The following SPATA6 variants were observed in gnomAD, a reference collection of about 807,000 sequenced individuals.
SPATA6 encodes the protein spermatogenesis-associated protein 6.
SPATA6 carries 56 observed loss-of-function variants against 65.3 expected under a neutral mutation model. The ratio of observed to expected loss-of-function variants is 0.86; its 90% CI spans 0.69 to 1.07. The LOEUF (loss-of-function observed/expected upper bound fraction) is 1.07. Among genes scored for constraint, SPATA6 ranks in the 50% least tolerant of loss-of-function variants. SPATA6 has a pLI of 0.00. For synonymous variants in SPATA6, 199 were observed against 213.2 expected (o/e 0.93, Z 0.58); for missense variants, 590 against 594.8 (o/e 0.99, Z 0.08).
chr1:48,376,525 AT>A (rs1647929301), intron 9 of SPATA6, among the ~76,000 whole-genome samples: 1 of 151,072 alleles, frequency 6.6e-6, no homozygotes, highest in African/African-American at 2.5e-5. Flanking sequence ...AGCTCCTGGA[AT>A]TTAAAAAAAA....
chr1:48,369,905 A>G (rs6587873), intron 9 of SPATA6, among the ~76,000 whole-genome samples: 21,852 of 152,186 alleles, frequency 0.14, 1,777 homozygotes, highest in African/African-American at 0.21. Context: ...AGCTCCTCCT[A>G]TTCGGCCATC....
In SPATA6 at chr1:48,387,963, G is replaced by C. The variant is rs898436753; in HGVS notation, c.869-2614C>G. ...TGGCTACCCAGAGGCTTGAGAACCT[G>C]TCCATCTGCCTGGCCCATGATGGCT... On this transcript the variant is annotated intron_variant, in intron 8 of 12. Coordinates refer to ENST00000371847, the MANE Select transcript of SPATA6 (RefSeq NM_019073.4). Among the ~76,000 whole-genome samples, 6 of 152,288 alleles carry C rather than the reference G, an allele frequency of 3.9e-5. No homozygotes were observed. In the South Asian group the frequency reaches 1.0e-3, roughly 26 times the overall value.
At chr1:48,387,683 C>T (rs1649619806) in intron 8 of SPATA6, among the ~76,000 whole-genome samples, 1 of 152,166 alleles carries the variant, frequency 6.6e-6, no homozygotes, top group Non-Finnish European at 1.5e-5. Context: ...CCATGCCAGA[C>T]CATATAGTTT....
intron 3 of SPATA6, among the ~76,000 whole-genome samples, chr1:48,427,598 T>G (rs1653962357): frequency 6.6e-6 from 1 of 152,192 alleles, no homozygotes; most frequent in Admixed American, 6.5e-5. Flanking sequence ...TGACATAATT[T>G]TGATATAAGT....
Position 48,304,499 on chromosome 1 carries a change from A to C in SPATA6, c.1286+1288T>G, listed in dbSNP as rs185236250. On this transcript the variant is annotated intron_variant, in intron 12 of 12. Coordinates refer to ENST00000371847, the MANE Select transcript of SPATA6 (RefSeq NM_019073.4). The stretch of plus-strand genomic sequence containing the variant: ...ACATTAGAATTACCCATGATATCCC[A>C]TTTTTTATTTTATTGTATTTATTTT... Among the ~76,000 whole-genome samples the C allele has an allele frequency of 2.9e-3, 447 of 152,178 alleles. 2 individuals carry two copies. Among genetic ancestry groups the C allele is most frequent in the Non-Finnish European group, 4.8e-3 (325 of 67,992 alleles).
At chr1:48,375,859 A>AT (rs1276904284) in intron 9 of SPATA6, among the ~76,000 whole-genome samples, 4 of 152,148 alleles carry the variant, frequency 2.6e-5, no homozygotes, top group Admixed American at 2.0e-4. Context: ...ACTTTGGATA[A>AT]TTTTTTATAT....
chr1:48,374,929 T>A (rs1647710436), intron 9 of SPATA6, among the ~76,000 whole-genome samples: 1 of 152,178 alleles, frequency 6.6e-6, no homozygotes, highest in African/African-American at 2.4e-5. Flanking sequence ...AAGGTAGTGC[T>A]CTCCCATACT....
chr1:48,328,402 T>C (rs1201180580), intron 11 of SPATA6, among the ~76,000 whole-genome samples: 3 of 152,166 alleles, frequency 2.0e-5, no homozygotes, highest in Non-Finnish European at 4.4e-5. Flanking sequence ...TGTCATTATC[T>C]ATACAATGTA....
chr1:48,413,383 G>A (rs557708471), intron 3 of SPATA6, among the ~76,000 whole-genome samples: 29 of 150,262 alleles, frequency 1.9e-4, no homozygotes, highest in Non-Finnish European at 3.8e-4. Flanking sequence ...TCCGCCTCCC[G>A]GATTCGAGCA....
chr1:48,327,835 A>C (rs1645807377), intron 11 of SPATA6, among the ~76,000 whole-genome samples: 1 of 152,264 alleles, frequency 6.6e-6, no homozygotes, highest in South Asian at 2.1e-4. Flanking sequence ...GAAGAGGGCA[A>C]ATATGGGTTG....
intron 11 of SPATA6, among the ~76,000 whole-genome samples, chr1:48,348,833 C>T (rs1048500962): frequency 6.6e-6 from 1 of 152,056 alleles, no homozygotes; most frequent in Non-Finnish European, 1.5e-5. Context: ...TCTAACCCAA[C>T]ATCACAGAGT....
intron 11 of SPATA6, among the ~76,000 whole-genome samples, chr1:48,323,581 TA>T (rs1374215465): frequency 6.4e-5 from 6 of 93,062 alleles, no homozygotes; most frequent in Non-Finnish European, 1.4e-4. Flanking sequence ...AAAGAAAGGA[TA>T]AACAAAATCA....
intron 6 of SPATA6, among the ~76,000 whole-genome samples, chr1:48,401,727 A>C (rs921412668): frequency 7.9e-5 from 12 of 152,106 alleles, no homozygotes; most frequent in African/African-American, 2.9e-4. Context: ...TCAACATGTG[A>C]GTAAAGCCAT....
intron 9 of SPATA6, among the ~76,000 whole-genome samples, chr1:48,363,239 C>T (rs898123509): frequency 1.3e-5 from 2 of 152,104 alleles, no homozygotes; most frequent in African/African-American, 2.4e-5. Flanking sequence ...AGCCTTCAGC[C>T]TTAGCTTAAA....
chr1:48,443,717 G>T (rs538375892), intron 3 of SPATA6, among the ~76,000 whole-genome samples: 1 of 152,182 alleles, frequency 6.6e-6, no homozygotes, highest in Non-Finnish European at 1.5e-5. Context: ...ATCAGACAAC[G>T]CCTGTCAAAC....
intron 11 of SPATA6, among the ~76,000 whole-genome samples, chr1:48,336,693 C>A (rs1168694270): frequency 6.6e-6 from 1 of 151,640 alleles, no homozygotes; most frequent in Non-Finnish European, 1.5e-5. Flanking sequence ...ACGCTTGGTA[C>A]CCCAGTGAGG....
At chr1:48,437,533 C>T (rs947761098) in intron 3 of SPATA6, among the ~76,000 whole-genome samples, 1 of 152,096 alleles carries the variant, frequency 6.6e-6, no homozygotes, top group African/African-American at 2.4e-5. Flanking sequence ...TAATTTTTTT[C>T]AGTATTTTGC....
intron 3 of SPATA6, among the ~76,000 whole-genome samples, chr1:48,450,556 T>A (rs1460472920): frequency 2.6e-5 from 4 of 152,172 alleles, no homozygotes; most frequent in Non-Finnish European, 5.9e-5. Context: ...TCAGTAAATA[T>A]TAAAATTCAT....
At chr1:48,445,716 G>A (rs1470738505) in intron 3 of SPATA6, among the ~76,000 whole-genome samples, 1 of 141,640 alleles carries the variant, frequency 7.1e-6, no homozygotes, top group Non-Finnish European at 1.5e-5. Flanking sequence ...TGAACGAAAG[G>A]TAGAACATGT....
Sources: allele counts gnomAD v4.1 joint callset (sites outside exome capture counted in the v4.1 genomes callset), GRCh38; gene constraint gnomAD v4.1.1; transcripts MANE v1.5; gene names NCBI Gene and HGNC (gene_info 2026-07-23, HGNC 2026-07-21).